The following TNFRSF21 variants were observed in gnomAD, a reference collection of about 807,000 sequenced individuals.
TNFRSF21 encodes the protein TNF receptor superfamily member 21, also known as tumor necrosis factor receptor superfamily member 21.
In TNFRSF21, 19 loss-of-function variants were observed where a neutral mutation model predicts 45.6. That is an observed-to-expected ratio of 0.42 (90% confidence interval 0.29 to 0.61). TNFRSF21 has a LOEUF of 0.61. Ranked by LOEUF, TNFRSF21 falls within the 20% of genes least tolerant of loss-of-function variation. The pLI, the probability that TNFRSF21 is intolerant of heterozygous loss-of-function variation, is 0.23. For synonymous variants in TNFRSF21, 314 were observed against 335.5 expected, an observed-to-expected ratio of 0.94 and a Z score of 0.70; for missense variants, 737 against 851.5, an observed-to-expected ratio of 0.87 and a Z score of 1.67.
At chr6:47,264,481 C>CT (rs3215604) in intron 3 of TNFRSF21, among the ~76,000 whole-genome samples, 52,484 of 151,922 alleles carry the variant, frequency 0.35, 9,335 homozygotes, top group African/African-American at 0.42. Context: ...CGCCACTGCA[C>CT]TCCAGCCTGG....
chr6:47,293,288 G>A (rs113718311), intron 1 of TNFRSF21, among the ~76,000 whole-genome samples: 9 of 152,136 alleles, frequency 5.9e-5, no homozygotes, highest in Non-Finnish European at 8.8e-5. Context: ...AATGAAGATC[G>A]TGGGAATAAG....
chr6:47,243,030 C>G (rs565649273), intron 4 of TNFRSF21, among the ~76,000 whole-genome samples: 2 of 152,190 alleles, frequency 1.3e-5, no homozygotes, highest in African/African-American at 2.4e-5. Context: ...AACTCAAGAC[C>G]TTGAAGTAAG....
At chr6:47,242,081 C>A (rs1764752987) in intron 4 of TNFRSF21, among the ~76,000 whole-genome samples, 1 of 151,998 alleles carries the variant, frequency 6.6e-6, no homozygotes, top group Admixed American at 6.6e-5. Context: ...TGGGAACCCC[C>A]AAGCCAGACC....
chr6:47,306,694 T>A (rs541663575), intron 1 of TNFRSF21, among the ~76,000 whole-genome samples: 1 of 152,188 alleles, frequency 6.6e-6, no homozygotes, highest in Non-Finnish European at 1.5e-5. Context: ...TAGTAAGCTA[T>A]TTTTCATGCA....
At chr6:47,280,716 C>A (rs1762555646) in intron 3 of TNFRSF21, among the ~76,000 whole-genome samples, 1 of 152,132 alleles carries the variant, frequency 6.6e-6, no homozygotes, top group South Asian at 2.1e-4. Flanking sequence ...TATAAGGTTA[C>A]CATGGTCATA....
At chr6:47,241,753 A>G (rs1053922797) in intron 4 of TNFRSF21, among the ~76,000 whole-genome samples, 1 of 152,228 alleles carries the variant, frequency 6.6e-6, no homozygotes, top group Admixed American at 6.5e-5. Flanking sequence ...TAAAAAATTA[A>G]AGAGAAGGGC....
rs192927276 is a variant in TNFRSF21 at position 47,251,770 on chromosome 6, C to T, written c.1509+1486G>A. The stretch of plus-strand genomic sequence containing the variant: ...CTGTATTCAAACTGCCGCCATTTTA[C>T]TTAATTGGAGGGTTAACATCTCCCT... On this transcript the variant is annotated intron_variant, in intron 4 of 5. Coordinates refer to ENST00000296861, the MANE Select transcript of TNFRSF21 (RefSeq NM_014452.5). Among the ~76,000 whole-genome samples the T allele has an allele frequency of 2.0e-4, 30 of 152,322 alleles. No individual in the cohort carries two copies. The East Asian group carries it at 4.6e-3, about 23-fold the overall frequency.
intron 3 of TNFRSF21, among the ~76,000 whole-genome samples, chr6:47,282,658 A>C (rs1338261154): frequency 2.0e-5 from 3 of 152,210 alleles, no homozygotes; most frequent in Non-Finnish European, 4.4e-5. Context: ...CTGGGGAAAA[A>C]AAATTGTCAC....
chr6:47,272,625 C>A (rs1319109990), intron 3 of TNFRSF21, among the ~76,000 whole-genome samples: 1 of 152,126 alleles, frequency 6.6e-6, no homozygotes, highest in Non-Finnish European at 1.5e-5. Context: ...CAAGAGCAAA[C>A]ACATTCAAAA....
rs575439648 is a variant in TNFRSF21, at chr6:47,275,454, C to T, written c.1243+8484G>A. Among the ~76,000 whole-genome samples, 5 of 152,102 alleles carry T rather than the reference C, an allele frequency of 3.3e-5. No individual in the cohort carries two copies. The East Asian group carries it at 9.7e-4, about 30-fold the overall frequency. On this transcript the variant is annotated intron_variant, in intron 3 of 5. Transcript: ENST00000296861. ...TCACTCATAGGTGGGAACTGAACAA[C>T]GAGATTACTTGGACACAGGGTGGGG...
intron 4 of TNFRSF21, among the ~76,000 whole-genome samples, chr6:47,237,571 T>G (rs1319616461): frequency 6.6e-6 from 1 of 152,178 alleles, no homozygotes; most frequent in African/African-American, 2.4e-5. Flanking sequence ...AAGAAAGCCA[T>G]ATTTCCAGAG....
rs565050669 is a variant in TNFRSF21 at position 47,232,564 on chromosome 6, A to C, written c.*201T>G. The C allele has an allele frequency of 2.4e-6, 1 of 414,626 alleles. No homozygotes were observed. The highest frequency in any genetic ancestry group is 4.1e-5 in the East Asian group (1 of 24,104). The allele number at this position is 414,626 out of a possible 1,614,324, so 25.7% of individuals were successfully genotyped here. On this transcript the variant is annotated 3_prime_UTR_variant, in exon 6 of 6. Transcript: ENST00000296861. ...AACCAACTTCCCAGAAGAGTTATTT[A>C]AAAAAAAAAGAGAGAGAGAGAAGGA...
chr6:47,275,379 T>A (rs555360553), intron 3 of TNFRSF21, among the ~76,000 whole-genome samples: 3 of 152,036 alleles, frequency 2.0e-5, no homozygotes, highest in Non-Finnish European at 4.4e-5. Flanking sequence ...TTGGAAACCA[T>A]CATTCTCAGC....
chr6:47,264,857 G>C (rs1198823796), intron 3 of TNFRSF21, among the ~76,000 whole-genome samples: 4 of 152,204 alleles, frequency 2.6e-5, no homozygotes, highest in Non-Finnish European at 4.4e-5. Context: ...GACTGCGGCT[G>C]TCAGCCCATA....
intron 4 of TNFRSF21, among the ~76,000 whole-genome samples, chr6:47,250,742 G>A (rs1486322678): frequency 6.6e-6 from 1 of 152,234 alleles, no homozygotes; most frequent in Non-Finnish European, 1.5e-5. Flanking sequence ...TCTCAATTAA[G>A]CCCCCTGCCT....
chr6:47,258,350 A>C (rs1765019425), intron 3 of TNFRSF21, among the ~76,000 whole-genome samples: 1 of 151,958 alleles, frequency 6.6e-6, no homozygotes, highest in South Asian at 2.1e-4. Flanking sequence ...AGCCTAAGCA[A>C]CAGAGTAAAA....
At chr6:47,300,577 T>C (rs1180209962) in intron 1 of TNFRSF21, among the ~76,000 whole-genome samples, 1 of 152,196 alleles carries the variant, frequency 6.6e-6, no homozygotes, top group Admixed American at 6.5e-5. Context: ...CTGAGTGATG[T>C]CCTGATCCCT....
intron 4 of TNFRSF21, among the ~76,000 whole-genome samples, chr6:47,245,764 TAAAG>T (rs763513358): frequency 6.6e-6 from 1 of 152,192 alleles, no homozygotes; most frequent in Non-Finnish European, 1.5e-5. Context: ...CATACTGCTA[TAAAG>T]AAATACCTGA....
intron 1 of TNFRSF21, among the ~76,000 whole-genome samples, chr6:47,289,450 T>A (rs1477822455): frequency 1.3e-5 from 2 of 152,224 alleles, no homozygotes; most frequent in African/African-American, 4.8e-5. Flanking sequence ...TCATTTTTTC[T>A]GTCGAGACCC....
Sources: allele counts gnomAD v4.1 joint callset (sites outside exome capture counted in the v4.1 genomes callset), GRCh38; gene constraint gnomAD v4.1.1; transcripts MANE v1.5; gene names NCBI Gene and HGNC (gene_info 2026-07-23, HGNC 2026-07-21).